Variants in BMP2K observed in about 807,000 individuals in gnomAD.
BMP2K encodes BMP2 inducible kinase.
BMP2K carries 74 observed loss-of-function variants against 116.0 expected under a neutral mutation model. The observed-to-expected ratio is 0.64, with a 90% confidence interval of 0.53 to 0.77. The LOEUF (loss-of-function observed/expected upper bound fraction) is 0.77, where lower values mean the gene tolerates loss of function less well. Among genes scored for constraint, BMP2K ranks in the 30% least tolerant of loss-of-function variants. BMP2K has a pLI of 0.00. For missense variants in BMP2K, 1,365 were observed against 1,403.6 expected, an observed-to-expected ratio of 0.97 and a Z score of 0.44; for synonymous variants, 486 against 502.5, an observed-to-expected ratio of 0.97 and a Z score of 0.44.
chr4:78,895,606 TAAG>T (rs1390374851), intron 15 of BMP2K, among the ~76,000 whole-genome samples: 1 of 150,832 alleles, frequency 6.6e-6, no homozygotes, highest in African/African-American at 2.4e-5. Context: ...TGGGAAAAAA[TAAG>T]AAGATGGATC....
At chr4:78,857,966 A>T (rs764028413) in intron 7 of BMP2K, among the ~76,000 whole-genome samples, 4 of 151,968 alleles carry the variant, frequency 2.6e-5, no homozygotes, top group Non-Finnish European at 5.9e-5. Flanking sequence ...TATCCTGTCC[A>T]TCTCAACCCC....
chr4:78,867,700 C>T (rs924624569), intron 10 of BMP2K, among the ~76,000 whole-genome samples: 2 of 152,196 alleles, frequency 1.3e-5, no homozygotes, highest in Non-Finnish European at 2.9e-5. Context: ...TAATGGTCAT[C>T]TTCCCAGTCC....
chr4:78,851,719 C>G lies in BMP2K; in HGVS notation c.883+663C>G, dbSNP rs547015538. Among the ~76,000 whole-genome samples, 3 of 152,166 alleles carry G rather than the reference C, an allele frequency of 2.0e-5. No individual in the cohort carries two copies. In the East Asian group the frequency reaches 5.8e-4, roughly 29 times the overall value. On this transcript the variant is annotated intron_variant, in intron 7 of 15. Coordinates refer to ENST00000502613, the MANE Select transcript of BMP2K (RefSeq NM_198892.2). ...GTGGGCAAAAAATAAGGCTGGATCT[C>G]TATTTCATTCTTTATGCTAAAATTG...
intron 13 of BMP2K, among the ~76,000 whole-genome samples, chr4:78,873,888 G>T (rs1463198702): frequency 1.3e-5 from 2 of 152,020 alleles, no homozygotes; most frequent in African/African-American, 4.8e-5. Flanking sequence ...CAGTTTAAAG[G>T]TCCAGATCAG....
intron 5 of BMP2K, 55 bp from the exon 6 acceptor site, chr4:78,847,133 C>CTT: frequency 9.8e-7 from 1 of 1,017,600 alleles, no homozygotes; most frequent in Non-Finnish European, 1.3e-6. Flanking sequence ...TATTATCTGT[C>CTT]TTTTTTTTAT....
chr4:78,810,796 T>G (rs1184346172), intron 1 of BMP2K, among the ~76,000 whole-genome samples: 2 of 150,766 alleles, frequency 1.3e-5, no homozygotes, highest in Non-Finnish European at 2.9e-5. Context: ...CTGTTTTTAC[T>G]GAGATTCATC....
At chr4:78,831,312 T>C (rs1730193818) in intron 2 of BMP2K, among the ~76,000 whole-genome samples, 1 of 152,210 alleles carries the variant, frequency 6.6e-6, no homozygotes, top group African/African-American at 2.4e-5. Flanking sequence ...AAGTTTGAAA[T>C]AGTATGAGAA....
intron 15 of BMP2K, among the ~76,000 whole-genome samples, chr4:78,908,062 T>C (rs995994906): frequency 2.6e-5 from 4 of 152,222 alleles, no homozygotes; most frequent in African/African-American, 9.6e-5. Context: ...AAATACGCTG[T>C]GTAGGGAAGA....
At chr4:78,798,031 C>T (rs542150148) in intron 1 of BMP2K, among the ~76,000 whole-genome samples, 15 of 152,188 alleles carry the variant, frequency 9.9e-5, no homozygotes, top group East Asian at 3.9e-4. Flanking sequence ...TGCCCAGACA[C>T]GCTTCAAACT....
chr4:78,829,400 T>C, intron 2 of BMP2K, among the ~76,000 whole-genome samples: 1 of 139,382 alleles, frequency 7.2e-6, no homozygotes, highest in Non-Finnish European at 1.5e-5. Flanking sequence ...TTATAGTTTT[T>C]TGTTTTTTTT....
At chr4:78,899,137 T>C (rs560119805) in intron 15 of BMP2K, 1 of 152,326 alleles carries the variant, frequency 6.6e-6, no homozygotes, top group South Asian at 2.1e-4. Context: ...CTGGGCAACA[T>C]AGTGAGACCC....
chr4:78,897,210 T>G (rs1733750894), intron 15 of BMP2K, among the ~76,000 whole-genome samples: 1 of 152,112 alleles, frequency 6.6e-6, no homozygotes, highest in African/African-American at 2.4e-5. Flanking sequence ...TTTTAAGCCT[T>G]ATTTCTGGGA....
intron 7 of BMP2K, among the ~76,000 whole-genome samples, chr4:78,857,674 C>T (rs1032630060): frequency 2.0e-5 from 3 of 152,080 alleles, no homozygotes; most frequent in Admixed American, 2.0e-4. Flanking sequence ...ATACTGATAG[C>T]GTGTTTAAAA....
intron 3 of BMP2K, among the ~76,000 whole-genome samples, chr4:78,833,939 G>T (rs1020835675): frequency 1.3e-5 from 2 of 152,108 alleles, no homozygotes; most frequent in African/African-American, 4.8e-5. Flanking sequence ...AATCTAAGCA[G>T]GTACAGAGTT....
chr4:78,800,740 A>T (rs190480632), intron 1 of BMP2K, among the ~76,000 whole-genome samples: 1 of 152,338 alleles, frequency 6.6e-6, no homozygotes, highest in Admixed American at 6.5e-5. Flanking sequence ...TATTATAAAC[A>T]TCTAAAAAAT....
chr4:78,858,253 G>C (rs1731598608), intron 7 of BMP2K, among the ~76,000 whole-genome samples: 1 of 151,892 alleles, frequency 6.6e-6, no homozygotes, highest in Non-Finnish European at 1.5e-5. Flanking sequence ...TTTGTGTACT[G>C]TTGTTACGTT....
chr4:78,871,081 G>C, intron 11 of BMP2K, 21 bp downstream of exon 11: 1 of 1,598,498 alleles, frequency 6.3e-7, no homozygotes, highest in Non-Finnish European at 8.5e-7. Context: ...TGTTTCTTTA[G>C]ATATGGAAGT....
chr4:78,900,142 C>T (rs760306137), intron 15 of BMP2K, among the ~76,000 whole-genome samples: 5 of 152,152 alleles, frequency 3.3e-5, no homozygotes, highest in East Asian at 1.9e-4. Context: ...AATGTGAAGA[C>T]GATGAGGATG....
chr4:78,859,824 T>A, intron 8 of BMP2K, 137 bp downstream of exon 8: 1 of 638,146 alleles, frequency 1.6e-6, no homozygotes, highest in Non-Finnish European at 2.7e-6. Context: ...GTGATCTGAT[T>A]GTGTGTTTGA....
Sources: gnomAD v4.1 joint callset for allele counts (sites outside exome capture counted in the v4.1 genomes callset) on GRCh38, gnomAD v4.1.1 for gene constraint, MANE v1.5 for transcripts, NCBI Gene and HGNC (gene_info 2026-07-23, HGNC 2026-07-21) for gene names.